The following DLGAP1 variants were observed in gnomAD, a reference collection of about 807,000 sequenced individuals.
DLGAP1 encodes disks large-associated protein 1.
DLGAP1 carries 11 observed loss-of-function variants against 90.8 expected under a neutral mutation model. The ratio of observed to expected loss-of-function variants is 0.12; its 90% CI spans 0.08 to 0.20. The LOEUF is 0.20. DLGAP1 is among the 10% of genes least tolerant of loss of function. DLGAP1 has a pLI of 1.00. For synonymous variants in DLGAP1, 558 were observed against 540.7 expected (o/e 1.03, Z -0.44); for missense variants, 1,050 against 1,333.8 (o/e 0.79, Z 3.31).
chr18:3,878,676 A>G (rs183625535), intron 4 of DLGAP1, among the ~76,000 whole-genome samples: 35 of 152,198 alleles, frequency 2.3e-4, no homozygotes, highest in Non-Finnish European at 7.4e-5. Flanking sequence ...GGATTTCACA[A>G]TGAAAACCAC....
intron 9 of DLGAP1, among the ~76,000 whole-genome samples, chr18:3,553,513 C>T (rs958844827): frequency 6.6e-6 from 1 of 152,004 alleles, no homozygotes; most frequent in African/African-American, 2.4e-5. Context: ...AAAGAAGATA[C>T]ATACACACAT....
At chr18:4,276,517 T>C (rs1224012212) in intron 1 of DLGAP1, among the ~76,000 whole-genome samples, 2 of 151,636 alleles carry the variant, frequency 1.3e-5, no homozygotes, top group African/African-American at 4.9e-5. Context: ...GCACCTGTAA[T>C]CCCAGCTACT....
chr18:4,117,799 A>C (rs1415349336), intron 2 of DLGAP1, among the ~76,000 whole-genome samples: 8 of 152,114 alleles, frequency 5.3e-5, no homozygotes, highest in African/African-American at 1.9e-4. Flanking sequence ...TTTTCTTCTT[A>C]AGCCTGCTTT....
chr18:4,433,284 A>G (rs1156436420), intron 1 of DLGAP1, among the ~76,000 whole-genome samples: 1 of 152,204 alleles, frequency 6.6e-6, no homozygotes, highest in Admixed American at 6.5e-5. Flanking sequence ...GAAAGGGACT[A>G]ATGCTCTTTG....
At chr18:3,925,489 G>T (rs1316225203) in intron 3 of DLGAP1, among the ~76,000 whole-genome samples, 1 of 151,864 alleles carries the variant, frequency 6.6e-6, no homozygotes, top group Non-Finnish European at 1.5e-5. Context: ...GGCCCTTCCT[G>T]TTATCACTCT....
At chr18:3,515,468 C>CAAAAAAAA (rs55870741) in intron 10 of DLGAP1, among the ~76,000 whole-genome samples, 2 of 72,580 alleles carry the variant, frequency 2.8e-5, no homozygotes, top group African/African-American at 5.5e-5. Flanking sequence ...GATTCCATCT[C>CAAAAAAAA]AAAAAAAAAA....
At chr18:3,637,605 G>A (rs1221496890) in intron 7 of DLGAP1, among the ~76,000 whole-genome samples, 1 of 149,936 alleles carries the variant, frequency 6.7e-6, no homozygotes, top group Non-Finnish European at 1.5e-5. Context: ...AAATTAGCCG[G>A]GCATGGTGGC....
chr18:3,549,792 G>A (rs755587910), intron 9 of DLGAP1, among the ~76,000 whole-genome samples: 2 of 152,150 alleles, frequency 1.3e-5, no homozygotes, highest in African/African-American at 2.4e-5. Flanking sequence ...CTGAATATGT[G>A]TTACAGGCCA....
At chr18:3,542,626 G>C (rs1464549378) in intron 9 of DLGAP1, among the ~76,000 whole-genome samples, 6 of 152,154 alleles carry the variant, frequency 3.9e-5, no homozygotes, top group Non-Finnish European at 8.8e-5. Flanking sequence ...GAGACCAGTA[G>C]CTTCTTTGCA....
intron 4 of DLGAP1, among the ~76,000 whole-genome samples, chr18:3,872,568 A>C (rs771196239): frequency 1.4e-4 from 21 of 152,182 alleles, no homozygotes; most frequent in Admixed American, 6.5e-5. Context: ...CCTAAACCCA[A>C]AGTGGTGGAA....
intron 5 of DLGAP1, among the ~76,000 whole-genome samples, chr18:3,772,408 C>CTT (rs1294620197): frequency 7.1e-4 from 22 of 31,056 alleles, no homozygotes; most frequent in African/African-American, 1.3e-3. Context: ...TTCTTTCTTT[C>CTT]TCTTTCTTTC....
At chr18:3,507,101 C>T (rs1343066584) in intron 11 of DLGAP1, among the ~76,000 whole-genome samples, 3 of 152,002 alleles carry the variant, frequency 2.0e-5, no homozygotes, top group African/African-American at 7.3e-5. Flanking sequence ...GAGACTACCA[C>T]CTTTTCCATA....
chr18:4,200,076 G>T (rs1017042040), intron 1 of DLGAP1, among the ~76,000 whole-genome samples: 3 of 151,974 alleles, frequency 2.0e-5, no homozygotes, highest in Admixed American at 6.5e-5. Flanking sequence ...TTTATCTTGT[G>T]TCTAGTCTGC....
chr18:4,102,471 G>T (rs537686007), intron 2 of DLGAP1, among the ~76,000 whole-genome samples: 1 of 152,242 alleles, frequency 6.6e-6, no homozygotes, highest in African/African-American at 2.4e-5. Flanking sequence ...CTTTTGTGCT[G>T]GATGTAAAGG....
chr18:4,433,379 T>C (rs1287652695), intron 1 of DLGAP1, among the ~76,000 whole-genome samples: 1 of 152,196 alleles, frequency 6.6e-6, no homozygotes, highest in Non-Finnish European at 1.5e-5. Context: ...ATCAACTATT[T>C]TAAAAAGTGT....
At chr18:3,827,961 G>C (rs527590527) in intron 4 of DLGAP1, among the ~76,000 whole-genome samples, 32 of 152,272 alleles carry the variant, frequency 2.1e-4, no homozygotes, top group Admixed American at 2.0e-3. Context: ...TATAAAGCAA[G>C]TACTTAATAG....
chr18:4,429,051 G>A (rs1410990376), intron 1 of DLGAP1, among the ~76,000 whole-genome samples: 1 of 152,128 alleles, frequency 6.6e-6, no homozygotes, highest in Non-Finnish European at 1.5e-5. Context: ...TTTTCAAATT[G>A]TGAAAATCTC....
At chr18:3,975,163 G>T (rs1158307574) in intron 3 of DLGAP1, among the ~76,000 whole-genome samples, 7 of 151,962 alleles carry the variant, frequency 4.6e-5, no homozygotes, top group Non-Finnish European at 5.9e-5. Flanking sequence ...AGAAAGTAAG[G>T]ATGGTTACTT....
At chr18:3,554,962 T>C (rs1419805040) in intron 9 of DLGAP1, among the ~76,000 whole-genome samples, 1 of 152,186 alleles carries the variant, frequency 6.6e-6, no homozygotes, top group Non-Finnish European at 1.5e-5. Flanking sequence ...TTTATCAGTC[T>C]GTTTATTTGA....
Sources: gnomAD v4.1 joint callset for allele counts (sites outside exome capture counted in the v4.1 genomes callset) on GRCh38, gnomAD v4.1.1 for gene constraint, MANE v1.5 for transcripts, NCBI Gene and HGNC (gene_info 2026-07-23, HGNC 2026-07-21) for gene names.